Variants in TMEM132B observed in about 807,000 individuals in gnomAD.
The protein encoded by TMEM132B is transmembrane protein 132B.
TMEM132B carries 18 observed loss-of-function variants against 90.8 expected under a neutral mutation model. The ratio of observed to expected loss-of-function variants is 0.20; its 90% CI spans 0.14 to 0.29. The LOEUF (loss-of-function observed/expected upper bound fraction) is 0.29, where lower values mean the gene tolerates loss of function less well. TMEM132B is among the 10% of genes least tolerant of loss of function. TMEM132B has a pLI of 1.00. For missense variants in TMEM132B, 1,096 were observed against 1,326.8 expected (o/e 0.83, Z 2.70); for synonymous variants, 504 against 523.3 (o/e 0.96, Z 0.50).
intron 4 of TMEM132B, among the ~76,000 whole-genome samples, chr12:125,583,046 A>G (rs1885091152): frequency 1.3e-5 from 2 of 152,226 alleles, no homozygotes; most frequent in African/African-American, 4.8e-5. Flanking sequence ...AATAATCTGC[A>G]TTATATTGAA....
At chr12:125,283,680 G>T (rs150501957) in intron 1 of TMEM132B, among the ~76,000 whole-genome samples, 1 of 152,330 alleles carries the variant, frequency 6.6e-6, no homozygotes, top group Non-Finnish European at 1.5e-5. Context: ...AGTAGCTTCC[G>T]GCAGCTGTCC....
At position 125,207,915 on chromosome 12, in the gene TMEM132B, A is replaced by G. The variant is rs542011200; in HGVS notation, c.67+21049A>G. 1.2e-4 allele frequency among the ~76,000 whole-genome samples: 18 copies of G among 152,388 alleles called. No homozygotes were observed. The East Asian group carries it at 2.3e-3, about 20-fold the overall frequency. On this transcript the variant is annotated intron_variant, in intron 1 of 8. Transcript: ENST00000682704. Reference sequence around the variant, plus strand: ...GAATTTCCTCCCTTTTTAAGACTGAATAACATCCCACTAGGGAACTGAATT... The same window carrying G: ...GAATTTCCTCCCTTTTTAAGACTGAGTAACATCCCACTAGGGAACTGAATT...
chr12:125,186,697 C>G lies in TMEM132B; in HGVS notation c.-103C>G, dbSNP rs986211637. The stretch of plus-strand genomic sequence containing the variant: ...CGGCGCGCTGGGAGCGAGCCATGCC[C>G]GGCGCCCGGGCGTAGCCGCCGGGGG... On this transcript the variant is annotated 5_prime_UTR_variant, in exon 1 of 9. Coordinates refer to ENST00000682704, the MANE Select transcript of TMEM132B (RefSeq NM_001366854.1). The surrounding 1 kb of genome is among the most constrained non-coding windows in gnomAD (Gnocchi z 6.3). 6.8e-6 allele frequency: 1 copy of G among 146,426 alleles called. No homozygotes were observed. The allele number at this position is 146,426 out of a possible 1,614,324, so 9.1% of individuals were successfully genotyped here. A position where few individuals can be genotyped will look rare whatever the true frequency, so the allele number is the denominator to read the frequency against.
intron 3 of TMEM132B, among the ~76,000 whole-genome samples, chr12:125,491,110 A>G (rs1404105662): frequency 6.6e-6 from 1 of 152,112 alleles, no homozygotes; most frequent in Non-Finnish European, 1.5e-5. Context: ...CCTGAACGAG[A>G]ACCTCTCGGT....
Position 125,288,945 on chromosome 12 carries a change from A to G in TMEM132B, c.68-60507A>G, listed in dbSNP as rs536859325. 5.2e-4 allele frequency among the ~76,000 whole-genome samples: 79 copies of G among 152,298 alleles called. No homozygotes were observed. The South Asian group carries it at 7.0e-3, about 14-fold the overall frequency. On this transcript the variant is annotated intron_variant, in intron 1 of 8. Transcript: ENST00000682704. ...GCTGGTGGGCTGTGGCCAAGCTCAA[A>G]GGGCAGGCGGTGCCATGCAGAGGCA...
chr12:125,425,047 G>C (rs1258703202), intron 3 of TMEM132B, among the ~76,000 whole-genome samples: 1 of 152,044 alleles, frequency 6.6e-6, no homozygotes, highest in Non-Finnish European at 1.5e-5. Context: ...GGGGAATGGG[G>C]TGGGGTTGAG....
In TMEM132B at chr12:125,277,819, A is replaced by G. The variant is rs1428498288; in HGVS notation, c.68-71633A>G. ...AACGACGTTAAAAAAAGTTGGACAAATGGCTACTGTTTAAAAACAGAAATT... is the reference window on the plus strand; with the variant it reads ...AACGACGTTAAAAAAAGTTGGACAAGTGGCTACTGTTTAAAAACAGAAATT... On this transcript the variant is annotated intron_variant, in intron 1 of 8. Transcript: ENST00000682704. This position sits in a 1 kb window ranked among gnomAD's most constrained non-coding sequence, Gnocchi z 4.3. 6.6e-6 allele frequency among the ~76,000 whole-genome samples: 1 copy of G among 152,216 alleles called. No individual in the cohort carries two copies. The highest frequency in any genetic ancestry group is 1.5e-5 in the Non-Finnish European group (1 of 68,036).
At chr12:125,643,947 T>A in intron 5 of TMEM132B, 129 bp from the exon 6 acceptor site, 1 of 757,924 alleles carries the variant, frequency 1.3e-6, no homozygotes, top group South Asian at 1.8e-5. Flanking sequence ...TTTGTACAAG[T>A]TCTGTTCATT....
intron 1 of TMEM132B, among the ~76,000 whole-genome samples, chr12:125,255,756 T>C (rs1489769839): frequency 2.0e-5 from 3 of 152,114 alleles, no homozygotes; most frequent in East Asian, 3.9e-4. Context: ...ACAGGTGAAA[T>C]GAGATGTTCT....
intron 1 of TMEM132B, among the ~76,000 whole-genome samples, chr12:125,287,273 C>A (rs11058127): frequency 0.14 from 20,737 of 152,066 alleles, 1,586 homozygotes; most frequent in African/African-American, 0.2. Context: ...CACCTGGACA[C>A]TACAGGATCA....
At chr12:125,495,975 A>C (rs144692882) in intron 3 of TMEM132B, among the ~76,000 whole-genome samples, 98 of 152,300 alleles carry the variant, frequency 6.4e-4, no homozygotes, top group African/African-American at 2.2e-3. Flanking sequence ...TTAATATGCA[A>C]GGTGTTTGAG....
intron 3 of TMEM132B, among the ~76,000 whole-genome samples, chr12:125,475,028 CAG>C (rs1246237057): frequency 6.6e-6 from 1 of 152,134 alleles, no homozygotes; most frequent in Non-Finnish European, 1.5e-5. Flanking sequence ...ACCATGTAGA[CAG>C]AGTGTGGGAA....
At position 125,408,301 on chromosome 12, in the gene TMEM132B, C is replaced by T. The variant is rs116659199; in HGVS notation, c.960-7230C>T. Among the ~76,000 whole-genome samples the T allele has an allele frequency of 4.9e-3, 742 of 152,226 alleles. 5 individuals are homozygous for T. Among genetic ancestry groups the T allele is most frequent in the African/African-American group, 0.017 (714 of 41,522 alleles). ...CTAGGGTCTGAACGTCTGTATCCCCCACAAATTCGCATGTTGAAATTCTTA... is the reference window on the plus strand; with the variant it reads ...CTAGGGTCTGAACGTCTGTATCCCCTACAAATTCGCATGTTGAAATTCTTA... On this transcript the variant is annotated intron_variant, in intron 2 of 8. Coordinates refer to ENST00000682704, the MANE Select transcript of TMEM132B (RefSeq NM_001366854.1). The surrounding 1 kb of genome is among the most constrained non-coding windows in gnomAD (Gnocchi z 5.9).
rs538156121 is a variant in TMEM132B at position 125,306,283 on chromosome 12, C to T, written c.68-43169C>T. 1.8e-4 allele frequency among the ~76,000 whole-genome samples: 27 copies of T among 152,296 alleles called. 1 individual carries two copies. The highest frequency in any genetic ancestry group is 4.6e-4 in the African/African-American group (19 of 41,556). On this transcript the variant is annotated intron_variant, in intron 1 of 8. Coordinates refer to ENST00000682704, the MANE Select transcript of TMEM132B (RefSeq NM_001366854.1). ...TGCAGGCTTAACACAACACACCTGC[C>T]GGCCACATTTAGCTCTTGGAGCCTC... is the stretch of plus-strand genomic sequence containing the variant.
chr12:125,325,345 C>T (rs1257879332), intron 1 of TMEM132B, among the ~76,000 whole-genome samples: 1 of 152,094 alleles, frequency 6.6e-6, no homozygotes, highest in African/African-American at 2.4e-5. Context: ...CAGGCAGGAG[C>T]GGAGGACCTT....
Position 125,492,697 on chromosome 12 carries a change from C to G in TMEM132B, c.1107-26742C>G, listed in dbSNP as rs1327970471. ...GCCCGGCCTGTGCTCTGTCCCTGGG[C>G]TCAGGAGGGCGCACCCTTGGGAGGG... On this transcript the variant is annotated intron_variant, in intron 3 of 8. Transcript: ENST00000682704. This position sits in a 1 kb window ranked among gnomAD's most constrained non-coding sequence, Gnocchi z 5.8. 1.3e-5 allele frequency among the ~76,000 whole-genome samples: 2 copies of G among 152,138 alleles called. No homozygotes were observed. The highest frequency in any genetic ancestry group is 2.9e-5 in the Non-Finnish European group (2 of 68,014).
At chr12:125,264,117 G>C (rs1214542910) in intron 1 of TMEM132B, among the ~76,000 whole-genome samples, 2 of 152,154 alleles carry the variant, frequency 1.3e-5, no homozygotes, top group Non-Finnish European at 2.9e-5. Context: ...CCAGCTTCTA[G>C]AGGCCACTTG....
chr12:125,624,140 G>C (rs935970512), intron 5 of TMEM132B, among the ~76,000 whole-genome samples: 1 of 152,190 alleles, frequency 6.6e-6, no homozygotes, highest in Non-Finnish European at 1.5e-5. Flanking sequence ...TCCCAGCCAA[G>C]GTCCAATCAT....
chr12:125,637,698 A>G (rs1335838983), intron 5 of TMEM132B, among the ~76,000 whole-genome samples: 1 of 152,192 alleles, frequency 6.6e-6, no homozygotes, highest in African/African-American at 2.4e-5. Context: ...AACCACTGAC[A>G]CAAGTAACAA....
Sources: gnomAD v4.1 joint callset for allele counts (sites outside exome capture counted in the v4.1 genomes callset) on GRCh38, gnomAD v4.1.1 for gene constraint, Gnocchi (gnomAD v3.1) non-coding constraint, MANE v1.5 for transcripts, NCBI Gene and HGNC (gene_info 2026-07-23, HGNC 2026-07-21) for gene names.